The following TAFA2 variants were observed in gnomAD, a reference collection of about 807,000 sequenced individuals.
TAFA2 encodes the protein TAFA chemokine like family member 2.
A neutral mutation model predicts 18.8 loss-of-function variants in TAFA2; 7 were observed. That is an observed-to-expected ratio of 0.37 (90% CI 0.21 to 0.70). TAFA2 has a LOEUF of 0.70. Ranked by LOEUF, TAFA2 falls within the 30% of genes least tolerant of loss-of-function variation. The probability of loss-of-function intolerance (pLI) is 0.53; values close to 1 mark genes in which losing one functional copy is unlikely to be tolerated. For missense variants in TAFA2, 122 were observed against 158.1 expected, an observed-to-expected ratio of 0.77 and a Z score of 1.23; for synonymous variants, 60 against 54.2, an observed-to-expected ratio of 1.11 and a Z score of -0.47.
intron 1 of TAFA2, among the ~76,000 whole-genome samples, chr12:61,983,018 G>T (rs1592529536): frequency 6.6e-6 from 1 of 151,924 alleles, no homozygotes; most frequent in African/African-American, 2.4e-5. Context: ...TTTTTAAAGG[G>T]TTTATTTCAG....
chr12:62,250,397 T>A (rs183489459), intron 1 of TAFA2, among the ~76,000 whole-genome samples: 4 of 152,324 alleles, frequency 2.6e-5, no homozygotes, highest in Non-Finnish European at 5.9e-5. Flanking sequence ...TTTATGTTCA[T>A]GAGAATGGGT....
intron 1 of TAFA2, among the ~76,000 whole-genome samples, chr12:62,237,057 ACT>A (rs1451953517): frequency 6.7e-6 from 1 of 150,206 alleles, no homozygotes; most frequent in Non-Finnish European, 1.5e-5. Flanking sequence ...CTCTTTCTCA[ACT>A]CTTCCTTGAA....
chr12:61,987,601 A>C (rs954081835), intron 1 of TAFA2, among the ~76,000 whole-genome samples: 4 of 152,230 alleles, frequency 2.6e-5, no homozygotes, highest in African/African-American at 9.6e-5. Context: ...CCCTTCCTAA[A>C]CAATGGTTGA....
At chr12:62,033,070 A>G (rs926885778) in intron 1 of TAFA2, among the ~76,000 whole-genome samples, 1 of 152,138 alleles carries the variant, frequency 6.6e-6, no homozygotes, top group Non-Finnish European at 1.5e-5. Flanking sequence ...CTACCCACAC[A>G]GCCATGTCAG....
At chr12:61,830,346 C>G (rs1872671672) in intron 2 of TAFA2, among the ~76,000 whole-genome samples, 2 of 150,752 alleles carry the variant, frequency 1.3e-5, no homozygotes, top group South Asian at 4.2e-4. Context: ...TATACATACA[C>G]ACATATATAT....
At chr12:61,774,105 A>G (rs746312383) in intron 2 of TAFA2, among the ~76,000 whole-genome samples, 9 of 151,956 alleles carry the variant, frequency 5.9e-5, no homozygotes, top group Non-Finnish European at 1.2e-4. Context: ...AAAATGCTCA[A>G]TATCACTAAT....
chr12:61,926,459 C>T (rs1565684001), intron 1 of TAFA2, among the ~76,000 whole-genome samples: 1 of 152,158 alleles, frequency 6.6e-6, no homozygotes, highest in African/African-American at 2.4e-5. Context: ...AAAATACGGG[C>T]AAACCAAATC....
intron 2 of TAFA2, among the ~76,000 whole-genome samples, chr12:61,850,724 G>C (rs1239964907): frequency 6.6e-6 from 1 of 151,876 alleles, no homozygotes; most frequent in Non-Finnish European, 1.5e-5. Flanking sequence ...GAATTACAGT[G>C]AAAGATTATT....
At chr12:61,834,883 T>C (rs951145989) in intron 2 of TAFA2, among the ~76,000 whole-genome samples, 1 of 152,090 alleles carries the variant, frequency 6.6e-6, no homozygotes, top group Non-Finnish European at 1.5e-5. Context: ...AATTATTCTT[T>C]ACCTTAAATT....
At chr12:61,909,993 C>T (rs1473325022) in intron 1 of TAFA2, among the ~76,000 whole-genome samples, 1 of 152,048 alleles carries the variant, frequency 6.6e-6, no homozygotes, top group Non-Finnish European at 1.5e-5. Context: ...AGACAAATCC[C>T]TGACTACAAA....
At chr12:62,037,476 T>A (rs1881640600) in intron 1 of TAFA2, among the ~76,000 whole-genome samples, 1 of 152,210 alleles carries the variant, frequency 6.6e-6, no homozygotes, top group African/African-American at 2.4e-5. Context: ...ATCATACAAT[T>A]CTTAATCCAC....
intron 4 of TAFA2, among the ~76,000 whole-genome samples, chr12:61,741,532 T>C (rs1177057883): frequency 6.6e-6 from 1 of 152,136 alleles, no homozygotes; most frequent in African/African-American, 2.4e-5. Flanking sequence ...TGCTATATAC[T>C]AAGGAGACAA....
chr12:62,149,725 G>A (rs917551702), intron 1 of TAFA2, among the ~76,000 whole-genome samples: 9 of 151,798 alleles, frequency 5.9e-5, no homozygotes, highest in African/African-American at 2.2e-4. Flanking sequence ...TCATTTTTAA[G>A]GTTCATTCTT....
rs193300703 is a variant in TAFA2, at chr12:61,983,215, C to A, written c.-1-115789G>T. On this transcript the variant is annotated intron_variant, in intron 1 of 4. Coordinates refer to ENST00000416284, the MANE Select transcript of TAFA2 (RefSeq NM_178539.5). ...ACAATATCCTACATCTCCATAAATCCACTCTCTCATTTTATACCCATAGGA... is the reference window on the plus strand; with the variant it reads ...ACAATATCCTACATCTCCATAAATCAACTCTCTCATTTTATACCCATAGGA... Among the ~76,000 whole-genome samples the A allele has an allele frequency of 8.3e-3, 1,257 of 152,162 alleles. 10 individuals carry two copies. The highest frequency in any genetic ancestry group is 0.013 in the Non-Finnish European group (875 of 68,010).
intron 1 of TAFA2, among the ~76,000 whole-genome samples, chr12:62,110,195 T>G (rs567079447): frequency 6.6e-6 from 1 of 152,336 alleles, no homozygotes; most frequent in Non-Finnish European, 1.5e-5. Flanking sequence ...GAAGGGATGT[T>G]GAATTTTATC....
chr12:62,180,867 T>G (rs958364822), intron 1 of TAFA2, among the ~76,000 whole-genome samples: 2 of 152,156 alleles, frequency 1.3e-5, no homozygotes, highest in African/African-American at 2.4e-5. Flanking sequence ...TAAGAATAAA[T>G]GGCTTTAAAT....
At chr12:62,187,262 A>G (rs2136957567) in intron 1 of TAFA2, among the ~76,000 whole-genome samples, 1 of 152,280 alleles carries the variant, frequency 6.6e-6, no homozygotes, top group Middle Eastern at 3.4e-3. Context: ...AAATAAAAGT[A>G]TCTCCAAAAG....
chr12:61,853,320 T>C (rs1310085707), intron 2 of TAFA2, among the ~76,000 whole-genome samples: 2 of 151,920 alleles, frequency 1.3e-5, no homozygotes, highest in African/African-American at 2.4e-5. Context: ...TGAGCTACAA[T>C]AGAGGGTGAA....
chr12:61,813,527 T>C (rs912614735), intron 2 of TAFA2, among the ~76,000 whole-genome samples: 2 of 151,432 alleles, frequency 1.3e-5, no homozygotes, highest in Non-Finnish European at 2.9e-5. Flanking sequence ...TTTTTTCCTT[T>C]CTAAAAGATT....
Sources: gnomAD v4.1 joint callset for allele counts (sites outside exome capture counted in the v4.1 genomes callset) on GRCh38, gnomAD v4.1.1 for gene constraint, MANE v1.5 for transcripts, NCBI Gene and HGNC (gene_info 2026-07-23, HGNC 2026-07-21) for gene names.